The following CNGA1 variants were observed in gnomAD, a reference collection of about 807,000 sequenced individuals.
CNGA1 encodes cyclic nucleotide-gated channel alpha-1.
A neutral mutation model predicts 69.7 loss-of-function variants in CNGA1; 53 were observed. The observed-to-expected ratio is 0.76, with a 90% CI of 0.61 to 0.96. The LOEUF is 0.96. CNGA1 is among the 40% of genes least tolerant of loss of function. The pLI is 0.00. For synonymous variants in CNGA1, 249 were observed against 283.5 expected, an observed-to-expected ratio of 0.88 and a Z score of 1.22; for missense variants, 739 against 811.2, an observed-to-expected ratio of 0.91 and a Z score of 1.08.
intron 3 of CNGA1, among the ~76,000 whole-genome samples, chr4:47,972,780 C>A (rs1741111808): frequency 6.6e-6 from 1 of 152,202 alleles, no homozygotes. Flanking sequence ...TATTGTCCCA[C>A]AAGTAACTAT....
chr4:47,944,599 C>A (rs1348660221), intron 6 of CNGA1, among the ~76,000 whole-genome samples: 1 of 152,126 alleles, frequency 6.6e-6, no homozygotes, highest in South Asian at 2.1e-4. Flanking sequence ...AAAGTGGCAT[C>A]TTGAAGTGGA....
chr4:47,939,819 A>T (rs1456392560), intron 10 of CNGA1, among the ~76,000 whole-genome samples: 1 of 152,186 alleles, frequency 6.6e-6, no homozygotes, highest in Non-Finnish European at 1.5e-5. Context: ...TACACAGTTC[A>T]TGGAAGGTTT....
intron 3 of CNGA1, among the ~76,000 whole-genome samples, chr4:47,976,260 CATATATATATACATATATATGT>C (rs1741385841): frequency 8.7e-5 from 2 of 22,952 alleles, no homozygotes; most frequent in African/African-American, 8.7e-4. Context: ...TATACACATA[CATATATATATACATATATATGT>C]ATATATATAT....
intron 2 of CNGA1, among the ~76,000 whole-genome samples, chr4:48,005,535 T>G (rs1714883214): frequency 6.6e-6 from 1 of 152,240 alleles, no homozygotes; most frequent in Non-Finnish European, 1.5e-5. Context: ...AAATCTCACA[T>G]AAGACTTTTT....
At chr4:47,981,307 A>G (rs917234677) in intron 3 of CNGA1, 86 bp downstream of exon 3, 1 of 152,228 alleles carries the variant, frequency 6.6e-6, no homozygotes, top group Admixed American at 6.5e-5. Context: ...AAGCAAAGCA[A>G]AAGCTGAAAC....
At position 47,937,338 on chromosome 4, in the gene CNGA1, C is replaced by T; in HGVS notation, c.1144G>A (p.Val382Met). The T allele has an allele frequency of 5.6e-6, 9 of 1,614,088 alleles. No individual in the cohort carries two copies. The highest frequency in any genetic ancestry group is 7.6e-6 in the Non-Finnish European group (9 of 1,180,024). The change falls in exon 11 of 11, where the codon GTG becomes ATG. Residue 382 changes from valine (V) to methionine (M), a missense_variant. Coordinates refer to ENST00000514170, the MANE Select transcript of CNGA1 (RefSeq NM_001379270.1). Reference protein sequence around the residue: ...VFVVVDFLIGVLIFATIVGNI... With the variant: ...VFVVVDFLIGMLIFATIVGNI... ...CCAACGATGGTAGCAAAAATTAACA[C>T]TCCAATTAGGAAATCAACCACCACA...
chr4:48,002,683 C>CAA (rs34405949), intron 2 of CNGA1, among the ~76,000 whole-genome samples: 11 of 117,766 alleles, frequency 9.3e-5, no homozygotes, highest in African/African-American at 9.8e-5. Flanking sequence ...GTCAGACATG[C>CAA]AAAAAAAAAA....
chr4:47,993,576 T>C (rs923200229), intron 2 of CNGA1, among the ~76,000 whole-genome samples: 5 of 152,124 alleles, frequency 3.3e-5, no homozygotes, highest in Non-Finnish European at 7.4e-5. Context: ...ATTTTCTCTC[T>C]TCTTTTCTTG....
In CNGA1 at chr4:47,942,076, T is replaced by C; in HGVS notation, c.510A>G (p.Leu170=). 1 of 1,612,238 alleles carries C rather than the reference T, an allele frequency of 6.2e-7. No individual in the cohort carries two copies. Among genetic ancestry groups the C allele is most frequent in the Non-Finnish European group, 8.5e-7 (1 of 1,179,022 alleles). Residue 170 remains leucine (L), a synonymous_variant, in exon 9 of 11, where the codon TTA becomes TTG. Transcript: ENST00000514170. The part of the protein sequence containing the change: ...TYYNWLFCIT[L]PVMYNWTMVI... The stretch of plus-strand genomic sequence containing the variant: ...CCATTGTCCAGTTGTACATAACAGG[T>C]AATGTGATGCAAAACAGCCAGTTGT...
At chr4:47,986,054 A>T (rs2110225966) in intron 2 of CNGA1, among the ~76,000 whole-genome samples, 1 of 152,298 alleles carries the variant, frequency 6.6e-6, no homozygotes, top group South Asian at 2.1e-4. Flanking sequence ...CATATTGCTG[A>T]GGGCTTAACT....
rs759049596 is a variant in CNGA1, at chr4:47,951,371, T to C, written c.206A>G (p.Lys69Arg). The C allele has an allele frequency of 3.1e-6, 5 of 1,610,436 alleles. No homozygotes were observed. Among genetic ancestry groups the C allele is most frequent in the Non-Finnish European group, 4.2e-6 (5 of 1,176,858 alleles). ...TGCTCACCTCTGTGATGGTCCTCCC[T>C]TTCTGAGTGACTTATAACTAAAGGA... ...RGSFSYKSLR[K>R]GGPSQREQYL... Residue 69 changes from lysine to arginine, a missense_variant, in exon 5 of 11, where the codon AAG becomes AGG. Transcript: ENST00000514170.
chr4:47,980,481 T>C (rs576762597), intron 3 of CNGA1, among the ~76,000 whole-genome samples: 115 of 149,540 alleles, frequency 7.7e-4, no homozygotes, highest in South Asian at 1.1e-3. Context: ...TCTTTTTTTT[T>C]TTTTTTTTTT....
At chr4:47,944,476 G>A (rs1421360068) in intron 6 of CNGA1, among the ~76,000 whole-genome samples, 4 of 152,150 alleles carry the variant, frequency 2.6e-5, no homozygotes, top group African/African-American at 9.7e-5. Flanking sequence ...GGATGATGTC[G>A]ACACACTACT....
chr4:47,983,966 C>T (rs966733658), intron 2 of CNGA1, among the ~76,000 whole-genome samples: 3 of 152,108 alleles, frequency 2.0e-5, no homozygotes, highest in African/African-American at 7.2e-5. Context: ...AAGTATATAT[C>T]AAATATTGCA....
At chr4:47,993,097 A>G (rs1742342983) in intron 2 of CNGA1, among the ~76,000 whole-genome samples, 1 of 151,960 alleles carries the variant, frequency 6.6e-6, no homozygotes, top group Admixed American at 6.6e-5. Context: ...GTTAGCTAGT[A>G]TTTTGTTAAT....
chr4:47,999,151 T>A (rs1431109591), intron 2 of CNGA1, among the ~76,000 whole-genome samples: 1 of 152,240 alleles, frequency 6.6e-6, no homozygotes, highest in East Asian at 1.9e-4. Context: ...ATAACTTTTC[T>A]TAAAGTATAT....
At chr4:47,987,003 A>AGTTGT (rs1742006144) in intron 2 of CNGA1, among the ~76,000 whole-genome samples, 1 of 131,012 alleles carries the variant, frequency 7.6e-6, no homozygotes, top group Non-Finnish European at 1.7e-5. Context: ...TGTTGTGTTG[A>AGTTGT]GTTGTGTTGT....
At chr4:47,972,027 C>A (rs1353796892) in intron 3 of CNGA1, among the ~76,000 whole-genome samples, 2 of 152,184 alleles carry the variant, frequency 1.3e-5, no homozygotes, top group Non-Finnish European at 2.9e-5. Flanking sequence ...ATTCTTCATC[C>A]TTTTACGTAC....
chr4:47,948,437 G>A (rs1321924791), intron 6 of CNGA1, among the ~76,000 whole-genome samples: 1 of 152,204 alleles, frequency 6.6e-6, no homozygotes, highest in Non-Finnish European at 1.5e-5. Flanking sequence ...GGGAACTATG[G>A]GGTCTAAGTA....
Sources: gnomAD v4.1 joint callset for allele counts (sites outside exome capture counted in the v4.1 genomes callset) on GRCh38, gnomAD v4.1.1 for gene constraint, MANE v1.5 for transcripts, NCBI Gene and HGNC (gene_info 2026-07-23, HGNC 2026-07-21) for gene names.